Variants in PAPPA2 observed in about 807,000 individuals in gnomAD.
PAPPA2 encodes the protein pappalysin-2.
A neutral mutation model predicts 176.4 loss-of-function variants in PAPPA2; 86 were observed. That is an observed-to-expected ratio of 0.49 (90% CI 0.41 to 0.58). The LOEUF is 0.58. Ranked by LOEUF, PAPPA2 falls within the 20% of genes least tolerant of loss-of-function variation. The pLI is 0.00. For missense variants in PAPPA2, 2,073 were observed against 2,256.9 expected, an observed-to-expected ratio of 0.92 and a Z score of 1.65; for synonymous variants, 809 against 852.2, an observed-to-expected ratio of 0.95 and a Z score of 0.88.
intron 3 of PAPPA2, among the ~76,000 whole-genome samples, chr1:176,598,881 C>A (rs1264056333): frequency 7.9e-5 from 12 of 152,166 alleles, no homozygotes; most frequent in African/African-American, 2.9e-4. Flanking sequence ...CTACTGTGTC[C>A]TGAATTACAT....
chr1:176,608,361 A>G (rs867633352), intron 3 of PAPPA2, among the ~76,000 whole-genome samples: 1 of 152,190 alleles, frequency 6.6e-6, no homozygotes, highest in Non-Finnish European at 1.5e-5. Context: ...AGTTAAATCT[A>G]TGCTGTGTTA....
intron 2 of PAPPA2, among the ~76,000 whole-genome samples, chr1:176,558,756 C>T (rs1651480452): frequency 6.6e-6 from 1 of 152,114 alleles, no homozygotes; most frequent in Non-Finnish European, 1.5e-5. Context: ...ATCTTGCTTC[C>T]TAGTACCCAT....
chr1:176,624,748 A>G (rs1655912301), intron 3 of PAPPA2, among the ~76,000 whole-genome samples: 1 of 152,120 alleles, frequency 6.6e-6, no homozygotes, highest in Non-Finnish European at 1.5e-5. Context: ...CTGTGCTTTC[A>G]TATCATATTT....
At chr1:176,646,392 A>G (rs1011436726) in intron 3 of PAPPA2, among the ~76,000 whole-genome samples, 6 of 151,248 alleles carry the variant, frequency 4.0e-5, no homozygotes, top group African/African-American at 1.2e-4. Flanking sequence ...TCAAGCATTT[A>G]TCCTTTCTTT....
chr1:176,724,131 A>C (rs1435709847), intron 12 of PAPPA2, among the ~76,000 whole-genome samples: 3 of 152,246 alleles, frequency 2.0e-5, no homozygotes, highest in Non-Finnish European at 4.4e-5. Context: ...CAAAACCAGA[A>C]TTAAGCACTG....
At chr1:176,761,297 C>T (rs1233630474) in intron 14 of PAPPA2, among the ~76,000 whole-genome samples, 3 of 152,190 alleles carry the variant, frequency 2.0e-5, no homozygotes, top group African/African-American at 7.2e-5. Context: ...TTGTGAAAAA[C>T]TCAATCCTTT....
At position 176,829,145 on chromosome 1, in the gene PAPPA2, T is replaced by C. The variant is rs144683379; in HGVS notation, c.5203-11028T>C. ...ATGTGGTATCAGAATGGGAAAAGGCTTGTCAACTGCTGTGCTTTCTTTAAA... is the reference window on the plus strand; with the variant it reads ...ATGTGGTATCAGAATGGGAAAAGGCCTGTCAACTGCTGTGCTTTCTTTAAA... On this transcript the variant is annotated intron_variant, in intron 21 of 22. Transcript: ENST00000367662. Among the ~76,000 whole-genome samples, 177 of 152,310 alleles carry C rather than the reference T, an allele frequency of 1.2e-3. 1 individual carries two copies. Among genetic ancestry groups the C allele is most frequent in the South Asian group, 3.7e-3 (18 of 4,822 alleles).
At chr1:176,736,740 A>C (rs962839533) in intron 12 of PAPPA2, among the ~76,000 whole-genome samples, 8 of 150,924 alleles carry the variant, frequency 5.3e-5, no homozygotes. Context: ...GTAGATTTTT[A>C]ATAAATACAT....
intron 1 of PAPPA2, among the ~76,000 whole-genome samples, chr1:176,525,743 ACAGCCAGGTCG>A (rs1419303042): frequency 3.3e-5 from 5 of 152,228 alleles, no homozygotes; most frequent in Non-Finnish European, 7.3e-5. Context: ...CATTGAGGGT[ACAGCCAGGTCG>A]CTTTTGAGAG....
chr1:176,643,395 A>G (rs980208189), intron 3 of PAPPA2, among the ~76,000 whole-genome samples: 2 of 150,912 alleles, frequency 1.3e-5, no homozygotes, highest in African/African-American at 4.9e-5. Context: ...GCTACCTATG[A>G]TCTCTCTTGC....
intron 2 of PAPPA2, among the ~76,000 whole-genome samples, chr1:176,565,678 A>G (rs1230321483): frequency 6.6e-6 from 1 of 152,232 alleles, no homozygotes; most frequent in Non-Finnish European, 1.5e-5. Flanking sequence ...CCTGGGGGAC[A>G]GAATGAGAAC....
intron 17 of PAPPA2, among the ~76,000 whole-genome samples, chr1:176,786,898 G>C (rs1223506422): frequency 2.6e-5 from 4 of 152,128 alleles, no homozygotes; most frequent in African/African-American, 9.7e-5. Flanking sequence ...CACAAAGAAG[G>C]GAACAACAGA....
At chr1:176,663,190 T>G (rs749403025) in intron 3 of PAPPA2, among the ~76,000 whole-genome samples, 3 of 152,194 alleles carry the variant, frequency 2.0e-5, no homozygotes, top group Non-Finnish European at 4.4e-5. Flanking sequence ...CCAGGCCAAC[T>G]GTAGTTTGTG....
At chr1:176,824,148 G>A (rs1001166875) in intron 21 of PAPPA2, among the ~76,000 whole-genome samples, 10 of 152,200 alleles carry the variant, frequency 6.6e-5, no homozygotes, top group African/African-American at 2.4e-4. Flanking sequence ...AGTTTGCTCT[G>A]AAATAAGCTC....
chr1:176,525,060 C>T (rs1358534814), intron 1 of PAPPA2, among the ~76,000 whole-genome samples: 1 of 151,984 alleles, frequency 6.6e-6, no homozygotes, highest in Non-Finnish European at 1.5e-5. Flanking sequence ...AAAGTTACAG[C>T]CTTAAAATTT....
At chr1:176,723,250 A>G (rs757604474) in intron 12 of PAPPA2, among the ~76,000 whole-genome samples, 2 of 152,232 alleles carry the variant, frequency 1.3e-5, no homozygotes, top group African/African-American at 4.8e-5. Context: ...TCTCTTGCAC[A>G]GTGCAAGCAA....
At chr1:176,733,072 G>A (rs944367499) in intron 12 of PAPPA2, among the ~76,000 whole-genome samples, 1 of 152,182 alleles carries the variant, frequency 6.6e-6, no homozygotes, top group Non-Finnish European at 1.5e-5. Flanking sequence ...AATGCCTGAT[G>A]ATCTGAGATG....
chr1:176,652,882 A>G (rs568597846), intron 3 of PAPPA2, among the ~76,000 whole-genome samples: 133 of 151,740 alleles, frequency 8.8e-4, no homozygotes, highest in Admixed American at 1.7e-3. Flanking sequence ...TGGGAGTCCA[A>G]TTCTCACTTC....
chr1:176,700,641 C>T (rs559678506), intron 8 of PAPPA2, among the ~76,000 whole-genome samples: 91 of 152,162 alleles, frequency 6.0e-4, no homozygotes, highest in Non-Finnish European at 1.2e-3. Context: ...GAGGGCAAGC[C>T]CCAAATGCTT....
Sources: gnomAD v4.1 joint callset for allele counts (sites outside exome capture counted in the v4.1 genomes callset) on GRCh38, gnomAD v4.1.1 for gene constraint, MANE v1.5 for transcripts, NCBI Gene and HGNC (gene_info 2026-07-23, HGNC 2026-07-21) for gene names.